ZNF804A: variants seen among roughly 807,000 people sequenced by gnomAD.
The protein encoded by ZNF804A is zinc finger protein 804A.
A neutral mutation model predicts 16.5 loss-of-function variants in ZNF804A; 2 were observed. The observed-to-expected ratio is 0.12, with a 90% CI of 0.05 to 0.38. The LOEUF (loss-of-function observed/expected upper bound fraction) is 0.38, where lower values mean the gene tolerates loss of function less well. ZNF804A is among the 10% of genes least tolerant of loss of function. ZNF804A has a pLI of 0.99. For missense variants in ZNF804A, 1,473 were observed against 1,390.7 expected (o/e 1.06, Z -0.94); for synonymous variants, 534 against 489.6 (o/e 1.09, Z -1.20).
At chr2:184,640,026 T>TA (rs1371264068) in intron 1 of ZNF804A, among the ~76,000 whole-genome samples, 1 of 151,452 alleles carries the variant, frequency 6.6e-6, no homozygotes, top group Non-Finnish European at 1.5e-5. Flanking sequence ...ATTTAATAAA[T>TA]AAATAAAATA....
chr2:184,699,979 AAG>A (rs1201911687), intron 1 of ZNF804A, among the ~76,000 whole-genome samples: 9 of 152,090 alleles, frequency 5.9e-5, no homozygotes, highest in Non-Finnish European at 8.8e-5. Context: ...CCCTGCCTCT[AAG>A]AGCAGTGCAA....
At position 184,936,858 on chromosome 2, in the gene ZNF804A, A is replaced by G. The variant is rs1559008827; in HGVS notation, c.1462A>G (p.Lys488Glu). ...CTTAAAAGATCTTTGTTCTCAGCAG[A>G]AGCAGGAAGACATTTGCATGGGACC... ...PDLKDLCSQQ[K>E]QEDICMGPLS... is the part of the protein sequence containing the mutation. The change falls in exon 4 of 4, where the codon AAG becomes GAG. Residue 488 changes from lysine (K) to glutamate (E), a missense_variant. Transcript: ENST00000302277. The G allele has an allele frequency of 6.2e-7, 1 of 1,613,270 alleles. No homozygotes were observed. Among genetic ancestry groups the G allele is most frequent in the Non-Finnish European group, 8.5e-7 (1 of 1,179,704 alleles).
intron 1 of ZNF804A, among the ~76,000 whole-genome samples, chr2:184,786,616 T>G (rs1256629897): frequency 2.0e-5 from 3 of 152,016 alleles, no homozygotes; most frequent in African/African-American, 4.8e-5. Flanking sequence ...CCCTTTCTCC[T>G]AATTCCTTTT....
chr2:184,848,519 A>T (rs994124297), intron 1 of ZNF804A, among the ~76,000 whole-genome samples: 1 of 152,100 alleles, frequency 6.6e-6, no homozygotes, highest in African/African-American at 2.4e-5. Flanking sequence ...ATGATAACAG[A>T]AGTAGAGAAA....
intron 1 of ZNF804A, among the ~76,000 whole-genome samples, chr2:184,716,485 C>A (rs1331356374): frequency 6.6e-6 from 1 of 151,824 alleles, no homozygotes; most frequent in African/African-American, 2.4e-5. Flanking sequence ...AAAAATTTTG[C>A]AATATAGTAA....
In ZNF804A at chr2:184,750,026, T is replaced by C. The variant is rs553369300; in HGVS notation, c.112-116343T>C. On this transcript the variant is annotated intron_variant, in intron 1 of 3. Transcript: ENST00000302277. ...TGAAATAATTCATAATACAAGATGG[T>C]CTCTCAGAAAGTTCAAGCTTGGGTA... 2.6e-5 allele frequency among the ~76,000 whole-genome samples: 4 copies of C among 151,504 alleles called. No homozygotes were observed. In the South Asian group the frequency reaches 8.3e-4, roughly 31 times the overall value.
chr2:184,634,428 G>C (rs191334280), intron 1 of ZNF804A, among the ~76,000 whole-genome samples: 1 of 152,232 alleles, frequency 6.6e-6, no homozygotes, highest in African/African-American at 2.4e-5. Context: ...TCTTTAGATG[G>C]AGAGATTATT....
At chr2:184,789,170 G>T (rs1694493691) in intron 1 of ZNF804A, among the ~76,000 whole-genome samples, 1 of 151,936 alleles carries the variant, frequency 6.6e-6, no homozygotes, top group Non-Finnish European at 1.5e-5. Context: ...AAACATCTTT[G>T]CATTCCTGGA....
intron 2 of ZNF804A, 68 bp downstream of exon 2, chr2:184,866,580 C>G (rs557415775): frequency 9.2e-6 from 12 of 1,300,006 alleles, no homozygotes; most frequent in South Asian, 3.1e-5. Flanking sequence ...TGTGTAGACT[C>G]TATGAATATG....
chr2:184,749,777 G>C (rs1055252103), intron 1 of ZNF804A, among the ~76,000 whole-genome samples: 5 of 150,932 alleles, frequency 3.3e-5, no homozygotes, highest in Non-Finnish European at 5.9e-5. Flanking sequence ...TGGCTTCATG[G>C]GTTCCAATGA....
intron 1 of ZNF804A, among the ~76,000 whole-genome samples, chr2:184,750,120 A>G (rs56140317): frequency 0.092 from 13,875 of 151,302 alleles, 2,136 homozygotes; most frequent in African/African-American, 0.32. Context: ...TATGATGTAT[A>G]TTTACTTGTG....
intron 1 of ZNF804A, among the ~76,000 whole-genome samples, chr2:184,659,026 G>C (rs1008585049): frequency 1.3e-5 from 2 of 152,124 alleles, no homozygotes; most frequent in African/African-American, 4.8e-5. Context: ...AAAGGAAGGA[G>C]TGGCTTAATT....
At chr2:184,635,423 A>T (rs1289892867) in intron 1 of ZNF804A, among the ~76,000 whole-genome samples, 2 of 152,148 alleles carry the variant, frequency 1.3e-5, no homozygotes. Context: ...GCTGTTCAAG[A>T]TATTATTATC....
chr2:184,758,879 C>T (rs557054346), intron 1 of ZNF804A, among the ~76,000 whole-genome samples: 20 of 151,886 alleles, frequency 1.3e-4, no homozygotes, highest in Non-Finnish European at 2.4e-4. Flanking sequence ...AACTGTTCCA[C>T]TTCTCATCAC....
chr2:184,626,615 AT>A (rs1021664939), intron 1 of ZNF804A, among the ~76,000 whole-genome samples: 4 of 152,078 alleles, frequency 2.6e-5, no homozygotes, highest in African/African-American at 7.2e-5. Context: ...CCTCTTGGTA[AT>A]TTTTTTGTAA....
At chr2:184,808,195 A>C (rs946969212) in intron 1 of ZNF804A, among the ~76,000 whole-genome samples, 1 of 151,586 alleles carries the variant, frequency 6.6e-6, no homozygotes, top group Non-Finnish European at 1.5e-5. Context: ...AAATATAAGC[A>C]TGTATCATAC....
intron 1 of ZNF804A, among the ~76,000 whole-genome samples, chr2:184,725,160 G>A (rs1693386784): frequency 6.6e-6 from 1 of 151,556 alleles, no homozygotes; most frequent in African/African-American, 2.4e-5. Flanking sequence ...TTCTTAGCTT[G>A]TCTAAATCTA....
chr2:184,878,356 G>T (rs1248084787), intron 2 of ZNF804A, among the ~76,000 whole-genome samples: 2 of 152,022 alleles, frequency 1.3e-5, no homozygotes, highest in South Asian at 2.1e-4. Flanking sequence ...TCACCTGAAG[G>T]TTACTGAGTC....
At chr2:184,901,706 A>G (rs1685184725) in intron 2 of ZNF804A, among the ~76,000 whole-genome samples, 1 of 152,108 alleles carries the variant, frequency 6.6e-6, no homozygotes, top group Non-Finnish European at 1.5e-5. Context: ...ATTATTGTAA[A>G]TTCCAGAAAG....
Sources: allele counts gnomAD v4.1 joint callset (sites outside exome capture counted in the v4.1 genomes callset), GRCh38; gene constraint gnomAD v4.1.1; transcripts MANE v1.5; gene names NCBI Gene and HGNC (gene_info 2026-07-23, HGNC 2026-07-21).